The following FCHO2 variants were observed in gnomAD, a reference collection of about 807,000 sequenced individuals.
FCHO2 encodes the protein FCH and mu domain containing endocytic adaptor 2, also known as F-BAR domain only protein 2.
A neutral mutation model predicts 114.1 loss-of-function variants in FCHO2; 43 were observed. The ratio of observed to expected loss-of-function variants is 0.38; its 90% CI spans 0.30 to 0.49. FCHO2 has a LOEUF of 0.49. Among genes scored for constraint, FCHO2 ranks in the 20% least tolerant of loss-of-function variants. FCHO2 has a pLI of 0.97. For synonymous variants in FCHO2, 293 were observed against 315.2 expected (o/e 0.93, Z 0.75); for missense variants, 807 against 950.4 (o/e 0.85, Z 1.98).
intron 2 of FCHO2, among the ~76,000 whole-genome samples, chr5:72,988,179 C>T (rs768663025): frequency 6.6e-5 from 10 of 152,172 alleles, no homozygotes; most frequent in Non-Finnish European, 1.3e-4. Context: ...GTGGCTCATG[C>T]CTGTAATCCC....
At chr5:72,957,109 C>T (rs1751593004) in intron 1 of FCHO2, among the ~76,000 whole-genome samples, 1 of 152,112 alleles carries the variant, frequency 6.6e-6, no homozygotes, top group Admixed American at 6.5e-5. Flanking sequence ...CAAGCATGGT[C>T]TTGGTTAGTA....
At chr5:73,025,193 A>G (rs561639863) in intron 8 of FCHO2, among the ~76,000 whole-genome samples, 4 of 151,764 alleles carry the variant, frequency 2.6e-5, no homozygotes, top group Admixed American at 6.6e-5. Flanking sequence ...CAGCTTTTTC[A>G]TATGTTTTTG....
intron 5 of FCHO2, among the ~76,000 whole-genome samples, chr5:73,002,132 T>C (rs1441542176): frequency 6.6e-6 from 1 of 152,124 alleles, no homozygotes; most frequent in Non-Finnish European, 1.5e-5. Context: ...AAATAAGTGC[T>C]GAATGTATAG....
intron 10 of FCHO2, among the ~76,000 whole-genome samples, chr5:73,039,573 T>TAC (rs1756702197): frequency 6.6e-6 from 1 of 152,220 alleles, no homozygotes; most frequent in Admixed American, 6.5e-5. Flanking sequence ...GTTTCTCATC[T>TAC]ACCAGTAAGG....
chr5:72,973,271 G>T (rs1752670786), intron 2 of FCHO2, among the ~76,000 whole-genome samples: 1 of 152,128 alleles, frequency 6.6e-6, no homozygotes, highest in African/African-American at 2.4e-5. Context: ...AGTTTCAGAA[G>T]GAATGGTACC....
In FCHO2 at chr5:72,975,111, A is replaced by G. The variant is rs115009574; in HGVS notation, c.125+6522A>G. 3.6e-3 allele frequency among the ~76,000 whole-genome samples: 541 copies of G among 152,232 alleles called. 5 individuals carry two copies. The highest frequency in any genetic ancestry group is 0.013 in the African/African-American group (526 of 41,542). ...CCTAATCTCTCTGACTAGGTCAAAA[A>G]CACCTAATATAATCTTTTGTTACAT... On this transcript the variant is annotated intron_variant, in intron 2 of 25. Transcript: ENST00000430046.
At chr5:73,012,097 C>T (rs919569169) in intron 6 of FCHO2, among the ~76,000 whole-genome samples, 1 of 152,118 alleles carries the variant, frequency 6.6e-6, no homozygotes, top group African/African-American at 2.4e-5. Flanking sequence ...GTATTATGTG[C>T]TGTATATTAT....
Position 73,004,690 on chromosome 5 carries a change from C to T in FCHO2, c.496-1755C>T, listed in dbSNP as rs567940162. ...AGTAATGAGAGAACTGTATAAATTT[C>T]TAAGACAAGGTCAGATGGGTAGTGC... On this transcript the variant is annotated intron_variant, in intron 5 of 25. Transcript: ENST00000430046. 2.0e-5 allele frequency among the ~76,000 whole-genome samples: 3 copies of T among 152,072 alleles called. No homozygotes were observed. In the East Asian group the frequency reaches 5.8e-4, roughly 29 times the overall value.
At chr5:73,074,707 T>C (rs1198185454) in intron 19 of FCHO2, 35 bp from the exon 20 acceptor site, 1 of 1,565,596 alleles carries the variant, frequency 6.4e-7, no homozygotes. Context: ...TATGTCTTTC[T>C]GAAGGATTTA....
At chr5:73,030,803 C>T (rs1038581339) in intron 8 of FCHO2, among the ~76,000 whole-genome samples, 1 of 152,162 alleles carries the variant, frequency 6.6e-6, no homozygotes, top group African/African-American at 2.4e-5. Flanking sequence ...AGCATTGCGC[C>T]AGGAGTCTCT....
chr5:73,034,522 A>C (rs1756395678), intron 8 of FCHO2, 135 bp from the exon 9 acceptor site: 1 of 617,536 alleles, frequency 1.6e-6, no homozygotes, highest in Non-Finnish European at 2.8e-6. Context: ...TAACAACTAG[A>C]ACCATTTCAG....
intron 8 of FCHO2, among the ~76,000 whole-genome samples, chr5:73,033,410 A>T (rs139224177): frequency 1.3e-5 from 2 of 152,244 alleles, no homozygotes; most frequent in East Asian, 3.9e-4. Flanking sequence ...GAGGGACATT[A>T]AGACAATATT....
chr5:72,968,483 C>G lies in FCHO2; in HGVS notation c.34-15C>G. 4.7e-6 allele frequency: 7 copies of G among 1,477,264 alleles called. No homozygotes were observed. The highest frequency in any genetic ancestry group is 6.3e-6 in the Non-Finnish European group (7 of 1,116,288). 91.5% of individuals were successfully genotyped at this position (1,477,264 alleles called of 1,614,324 possible). On this transcript the variant is annotated splice_polypyrimidine_tract_variant and intron_variant, in intron 1 of 25. Coordinates refer to ENST00000430046, the MANE Select transcript of FCHO2 (RefSeq NM_138782.3). ...TCTGTTTTTTTATGAAACTAAAAAT[C>G]TTTTTAAATTTTAGGGGGAAAAAAA...
At chr5:73,085,950 C>T (rs1743295483) in intron 24 of FCHO2, among the ~76,000 whole-genome samples, 1 of 151,616 alleles carries the variant, frequency 6.6e-6, no homozygotes, top group Non-Finnish European at 1.5e-5. Context: ...TGGTGAAACC[C>T]TGTCTCTACT....
chr5:73,023,988 G>A (rs1755777587), intron 8 of FCHO2, among the ~76,000 whole-genome samples: 1 of 151,998 alleles, frequency 6.6e-6, no homozygotes, highest in Non-Finnish European at 1.5e-5. Context: ...CTGTATATTA[G>A]GAATTACCTT....
At chr5:73,029,969 T>G (rs1291263183) in intron 8 of FCHO2, among the ~76,000 whole-genome samples, 1 of 152,038 alleles carries the variant, frequency 6.6e-6, no homozygotes, top group East Asian at 1.9e-4. Flanking sequence ...ATACAAGAAT[T>G]ATTTTTGGAC....
At chr5:73,012,575 C>A (rs1246951433) in intron 6 of FCHO2, among the ~76,000 whole-genome samples, 1 of 146,860 alleles carries the variant, frequency 6.8e-6, no homozygotes, top group Admixed American at 6.9e-5. Flanking sequence ...GCCGAGATCA[C>A]GCCACTGCAC....
chr5:73,010,333 CTATT>C (rs1754936233), intron 6 of FCHO2, among the ~76,000 whole-genome samples: 1 of 152,132 alleles, frequency 6.6e-6, no homozygotes, highest in Admixed American at 6.5e-5. Context: ...GCTTTTACCA[CTATT>C]AATTAATGAG....
intron 5 of FCHO2, among the ~76,000 whole-genome samples, chr5:72,999,139 TC>T (rs1238844065): frequency 6.6e-6 from 1 of 152,120 alleles, no homozygotes; most frequent in Non-Finnish European, 1.5e-5. Flanking sequence ...GGTGCTTTTT[TC>T]TAATTGGTCT....
Sources: allele counts gnomAD v4.1 joint callset (sites outside exome capture counted in the v4.1 genomes callset), GRCh38; gene constraint gnomAD v4.1.1; transcripts MANE v1.5; gene names NCBI Gene and HGNC (gene_info 2026-07-23, HGNC 2026-07-21).